LIN7A: variants seen among roughly 807,000 people sequenced by gnomAD.
LIN7A encodes the protein protein lin-7 homolog A.
Under a neutral mutation model 29.8 loss-of-function variants are expected in LIN7A, and 25 were observed. The ratio of observed to expected loss-of-function variants is 0.84; its 90% CI spans 0.61 to 1.17. The LOEUF is 1.17. Among genes scored for constraint, LIN7A ranks in the 50% most tolerant of loss-of-function variants. The pLI, the probability that LIN7A is intolerant of heterozygous loss-of-function variation, is 0.00. For missense variants in LIN7A, 239 were observed against 287.0 expected, an observed-to-expected ratio of 0.83 and a Z score of 1.21; for synonymous variants, 118 against 107.5, an observed-to-expected ratio of 1.10 and a Z score of -0.60.
chr12:80,930,735 C>T (rs1016606095), intron 1 of LIN7A, among the ~76,000 whole-genome samples: 2 of 152,232 alleles, frequency 1.3e-5, no homozygotes, highest in African/African-American at 2.4e-5. Context: ...GAGAGCACTA[C>T]ACTTGTAGGA....
intron 1 of LIN7A, among the ~76,000 whole-genome samples, chr12:80,889,893 T>A (rs1006953102): frequency 2.2e-4 from 33 of 152,176 alleles, no homozygotes; most frequent in African/African-American, 8.0e-4. Flanking sequence ...ATTGTAGTGA[T>A]TAAAATTAAT....
At chr12:80,915,070 C>G (rs1458366734) in intron 1 of LIN7A, among the ~76,000 whole-genome samples, 1 of 148,098 alleles carries the variant, frequency 6.8e-6, no homozygotes, top group Non-Finnish European at 1.5e-5. Flanking sequence ...AGACAACTTA[C>G]AGAATGGGAG....
At chr12:80,927,896 C>T (rs1475566178) in intron 1 of LIN7A, among the ~76,000 whole-genome samples, 1 of 152,076 alleles carries the variant, frequency 6.6e-6, no homozygotes. Context: ...TGTGATGTTC[C>T]CCACCCTGTG....
At chr12:80,856,553 C>T (rs932903476) in intron 2 of LIN7A, among the ~76,000 whole-genome samples, 4 of 152,298 alleles carry the variant, frequency 2.6e-5, no homozygotes, top group African/African-American at 9.6e-5. Flanking sequence ...AATGAACTCT[C>T]CAGTTTTTAG....
At chr12:80,911,837 C>A (rs946273928) in intron 1 of LIN7A, among the ~76,000 whole-genome samples, 4 of 152,098 alleles carry the variant, frequency 2.6e-5, no homozygotes, top group African/African-American at 9.7e-5. Context: ...ATTACTCATA[C>A]ATAAACAAGT....
chr12:80,881,180 G>A (rs1323434107), intron 2 of LIN7A, among the ~76,000 whole-genome samples: 3 of 151,988 alleles, frequency 2.0e-5, no homozygotes, highest in African/African-American at 7.2e-5. Context: ...TATATTGTGT[G>A]ATTTATTTTC....
intron 2 of LIN7A, among the ~76,000 whole-genome samples, chr12:80,885,050 C>T (rs1239102984): frequency 6.6e-6 from 1 of 151,964 alleles, no homozygotes; most frequent in Non-Finnish European, 1.5e-5. Flanking sequence ...ACTCTGTATT[C>T]TTTGTATTGT....
At chr12:80,918,754 A>G (rs971225771) in intron 1 of LIN7A, among the ~76,000 whole-genome samples, 5 of 152,232 alleles carry the variant, frequency 3.3e-5, no homozygotes, top group Non-Finnish European at 7.3e-5. Flanking sequence ...TCATCTCTAA[A>G]TTGGATTTTA....
chr12:80,866,332 G>A (rs1412025571), intron 2 of LIN7A, among the ~76,000 whole-genome samples: 1 of 152,078 alleles, frequency 6.6e-6, no homozygotes, highest in East Asian at 1.9e-4. Flanking sequence ...CTAAGTAATT[G>A]ACTTGGAGTT....
At chr12:80,826,647 C>T (rs756556024) in intron 4 of LIN7A, among the ~76,000 whole-genome samples, 94 of 152,182 alleles carry the variant, frequency 6.2e-4, no homozygotes, top group East Asian at 5.8e-4. Context: ...CTCCGCCTCC[C>T]GAGTAGCTGG....
chr12:80,843,221 A>T (rs1357832492), intron 4 of LIN7A, among the ~76,000 whole-genome samples: 1 of 152,180 alleles, frequency 6.6e-6, no homozygotes, highest in Non-Finnish European at 1.5e-5. Flanking sequence ...CATGAAGAGG[A>T]TATAAAAATC....
intron 2 of LIN7A, among the ~76,000 whole-genome samples, chr12:80,869,952 T>C (rs940303668): frequency 3.9e-5 from 6 of 152,086 alleles, no homozygotes; most frequent in Non-Finnish European, 7.4e-5. Flanking sequence ...TTGGAGATCA[T>C]GGAGAGAAAG....
At chr12:80,911,402 A>G (rs920519529) in intron 1 of LIN7A, among the ~76,000 whole-genome samples, 1 of 151,148 alleles carries the variant, frequency 6.6e-6, no homozygotes, top group African/African-American at 2.4e-5. Flanking sequence ...GGTACATGCC[A>G]CTGGGTCTGG....
chr12:80,900,168 T>C (rs1450144841), intron 1 of LIN7A, among the ~76,000 whole-genome samples: 2 of 152,164 alleles, frequency 1.3e-5, no homozygotes, highest in East Asian at 3.9e-4. Context: ...TTTTATTTAT[T>C]GGTCTAGGTA....
At chr12:80,859,632 A>T (rs559507665) in intron 2 of LIN7A, among the ~76,000 whole-genome samples, 97 of 152,218 alleles carry the variant, frequency 6.4e-4, no homozygotes, top group Non-Finnish European at 1.1e-3. Flanking sequence ...ACATCTTTTT[A>T]AAAAAATTAA....
chr12:80,874,687 T>A (rs1282997887), intron 2 of LIN7A, among the ~76,000 whole-genome samples: 1 of 152,188 alleles, frequency 6.6e-6, no homozygotes, highest in Non-Finnish European at 1.5e-5. Context: ...CTGACAAGCA[T>A]TAAAATAATG....
chr12:80,803,002 A>G (rs910769437), intron 5 of LIN7A, among the ~76,000 whole-genome samples: 1 of 152,106 alleles, frequency 6.6e-6, no homozygotes, highest in Non-Finnish European at 1.5e-5. Context: ...CTTGCTATTG[A>G]GTTGTTTAAG....
At chr12:80,799,993 A>G (rs1447887577) in intron 5 of LIN7A, among the ~76,000 whole-genome samples, 2 of 152,180 alleles carry the variant, frequency 1.3e-5, no homozygotes, top group African/African-American at 4.8e-5. Context: ...GAAAAAAATA[A>G]AATAAAAAGA....
At chr12:80,865,753 T>C (rs999780222) in intron 2 of LIN7A, among the ~76,000 whole-genome samples, 3 of 152,224 alleles carry the variant, frequency 2.0e-5, no homozygotes, top group African/African-American at 7.2e-5. Context: ...TCTGGAGAGG[T>C]AGATGATGAT....
Sources: gnomAD v4.1 joint callset for allele counts (sites outside exome capture counted in the v4.1 genomes callset) on GRCh38, gnomAD v4.1.1 for gene constraint, MANE v1.5 for transcripts, NCBI Gene and HGNC (gene_info 2026-07-23, HGNC 2026-07-21) for gene names.